The following DLG2 variants were observed in gnomAD, a reference collection of about 807,000 sequenced individuals.
DLG2 encodes disks large homolog 2.
A neutral mutation model predicts 132.5 loss-of-function variants in DLG2; 45 were observed. That is an observed-to-expected ratio of 0.34 (90% confidence interval 0.27 to 0.44). The LOEUF (loss-of-function observed/expected upper bound fraction) is 0.44, where lower values mean the gene tolerates loss of function less well. Ranked by LOEUF, DLG2 falls within the 20% of genes least tolerant of loss-of-function variation. DLG2 has a pLI of 1.00. For synonymous variants in DLG2, 424 were observed against 419.6 expected (o/e 1.01, Z -0.13); for missense variants, 1,045 against 1,196.9 (o/e 0.87, Z 1.87).
intron 3 of DLG2, among the ~76,000 whole-genome samples, chr11:85,520,353 C>T (rs2074196812): frequency 6.6e-6 from 1 of 151,942 alleles, no homozygotes; most frequent in Admixed American, 6.6e-5. Context: ...GAGAACACCA[C>T]AAAATGGAAA....
chr11:85,098,100 C>T (rs928295866), intron 6 of DLG2, among the ~76,000 whole-genome samples: 5 of 152,164 alleles, frequency 3.3e-5, no homozygotes, highest in African/African-American at 7.2e-5. Context: ...AGAGTATGTG[C>T]TGGAGTTTTA....
chr11:84,201,992 T>A (rs548654172), intron 8 of DLG2, among the ~76,000 whole-genome samples: 2 of 151,832 alleles, frequency 1.3e-5, no homozygotes, highest in South Asian at 2.1e-4. Flanking sequence ...CTAATTTTTG[T>A]ATTTTTAGTA....
chr11:83,895,777 C>T (rs1371877755), intron 15 of DLG2, among the ~76,000 whole-genome samples: 1 of 152,208 alleles, frequency 6.6e-6, no homozygotes, highest in Non-Finnish European at 1.5e-5. Context: ...CCAGGCATGT[C>T]CTCATCAAGG....
intron 21 of DLG2, among the ~76,000 whole-genome samples, chr11:83,531,728 A>G (rs1299724674): frequency 6.6e-6 from 1 of 152,098 alleles, no homozygotes; most frequent in Non-Finnish European, 1.5e-5. Flanking sequence ...ATAATAACTA[A>G]AAATTGGAAA....
intron 3 of DLG2, among the ~76,000 whole-genome samples, chr11:85,542,931 C>A (rs2076065932): frequency 1.3e-5 from 2 of 152,102 alleles, no homozygotes; most frequent in Admixed American, 1.3e-4. Context: ...GGATATACAT[C>A]AAAATGTTAC....
chr11:83,625,150 G>GC (rs1324545577), intron 19 of DLG2, among the ~76,000 whole-genome samples: 2 of 152,196 alleles, frequency 1.3e-5, no homozygotes, highest in Admixed American at 6.5e-5. Flanking sequence ...CAAGTACTGG[G>GC]CAGGGGGGTG....
At chr11:84,339,006 A>C (rs80218509) in intron 7 of DLG2, among the ~76,000 whole-genome samples, 5,125 of 152,270 alleles carry the variant, frequency 0.034, 295 homozygotes, top group African/African-American at 0.12. Flanking sequence ...TGATGTCTGC[A>C]CAGACTATAA....
intron 7 of DLG2, among the ~76,000 whole-genome samples, chr11:84,527,418 C>T (rs116949962): frequency 1.3e-5 from 2 of 152,120 alleles, no homozygotes; most frequent in Non-Finnish European, 2.9e-5. Context: ...CAGCTCTCCT[C>T]CTATAATTTC....
intron 15 of DLG2, among the ~76,000 whole-genome samples, chr11:83,883,026 C>A (rs2066734171): frequency 6.6e-6 from 1 of 152,118 alleles, no homozygotes; most frequent in African/African-American, 2.4e-5. Flanking sequence ...AACATGGCAG[C>A]CCAAACACTG....
chr11:84,152,026 G>A (rs980404360), intron 9 of DLG2, among the ~76,000 whole-genome samples: 2 of 152,170 alleles, frequency 1.3e-5, no homozygotes, highest in African/African-American at 4.8e-5. Context: ...TTCTATCAAT[G>A]TTGGATAGAA....
At chr11:85,043,365 G>A (rs999659824) in intron 6 of DLG2, among the ~76,000 whole-genome samples, 2 of 151,712 alleles carry the variant, frequency 1.3e-5, no homozygotes, top group Non-Finnish European at 2.9e-5. Flanking sequence ...GCTGCACACA[G>A]AGTAGGTATT....
chr11:85,391,730 TC>T (rs1257364469), intron 3 of DLG2, among the ~76,000 whole-genome samples: 1 of 151,972 alleles, frequency 6.6e-6, no homozygotes, highest in East Asian at 1.9e-4. Context: ...TTTGACCAAA[TC>T]CAGCATCTCT....
chr11:85,085,778 A>G (rs2067843667), intron 6 of DLG2, among the ~76,000 whole-genome samples: 5 of 152,286 alleles, frequency 3.3e-5, no homozygotes, highest in Middle Eastern at 3.4e-3. Flanking sequence ...GCTAACAGGT[A>G]TTTGAACTGT....
intron 11 of DLG2, among the ~76,000 whole-genome samples, chr11:84,028,074 C>A (rs1247058349): frequency 2.7e-5 from 4 of 150,164 alleles, no homozygotes; most frequent in Non-Finnish European, 4.4e-5. Context: ...AAACAAAACA[C>A]CTATCACTGT....
At chr11:84,650,901 A>ACT (rs1594886301) in intron 6 of DLG2, among the ~76,000 whole-genome samples, 1 of 143,010 alleles carries the variant, frequency 7.0e-6, no homozygotes, top group African/African-American at 2.7e-5. Context: ...ATATATATAT[A>ACT]AAATTTTTGT....
chr11:85,303,146 T>C (rs1379122433), intron 3 of DLG2, among the ~76,000 whole-genome samples: 1 of 152,164 alleles, frequency 6.6e-6, no homozygotes, highest in African/African-American at 2.4e-5. Context: ...CTCTACCTTT[T>C]GTATTCCCAC....
intron 7 of DLG2, among the ~76,000 whole-genome samples, chr11:84,391,841 A>G (rs1470641027): frequency 2.6e-5 from 4 of 151,622 alleles, no homozygotes; most frequent in Non-Finnish European, 5.9e-5. Context: ...TTAGTATGCT[A>G]GAATTTGGCT....
chr11:83,621,094 G>C (rs1444894299), intron 19 of DLG2, among the ~76,000 whole-genome samples: 2 of 152,004 alleles, frequency 1.3e-5, no homozygotes, highest in African/African-American at 4.8e-5. Flanking sequence ...CTGATGCTCA[G>C]ATTATGTTCA....
intron 2 of DLG2, among the ~76,000 whole-genome samples, chr11:85,612,096 T>G (rs1591307452): frequency 6.6e-6 from 1 of 152,224 alleles, no homozygotes; most frequent in East Asian, 1.9e-4. Flanking sequence ...AAAAACAGTG[T>G]ACCCTATTCC....
Sources: gnomAD v4.1 joint callset for allele counts (sites outside exome capture counted in the v4.1 genomes callset) on GRCh38, gnomAD v4.1.1 for gene constraint, MANE v1.5 for transcripts, NCBI Gene and HGNC (gene_info 2026-07-23, HGNC 2026-07-21) for gene names.